The following COL5A1 variants were observed in gnomAD, a reference collection of about 807,000 sequenced individuals.
The protein encoded by COL5A1 is collagen type V alpha 1 chain.
In COL5A1, 16 loss-of-function variants were observed where a neutral mutation model predicts 263.7. That is an observed-to-expected ratio of 0.06 (90% CI 0.04 to 0.09). The LOEUF is 0.09. COL5A1 is among the 10% of genes least tolerant of loss of function. The pLI is 1.00. For synonymous variants in COL5A1, 1,012 were observed against 1,004.5 expected (o/e 1.01, Z -0.14); for missense variants, 2,036 against 2,540.5 (o/e 0.80, Z 4.27).
rs965951240 is a variant in COL5A1, at chr9:134,678,968, T to G, written c.110-11944T>G. 6.6e-6 allele frequency among the ~76,000 whole-genome samples: 1 copy of G among 152,228 alleles called. No individual in the cohort carries two copies. The highest frequency in any genetic ancestry group is 1.5e-5 in the Non-Finnish European group (1 of 68,036). On this transcript the variant is annotated intron_variant, in intron 1 of 65. Coordinates refer to ENST00000371817, the MANE Select transcript of COL5A1 (RefSeq NM_000093.5). The surrounding 1 kb of genome is among the most constrained non-coding windows in gnomAD (Gnocchi z 5.5). Reference sequence around the variant, plus strand: ...GGCTTGCTGGGTCAGTCCCATTCAGTGGCTCTGTGTTGGGGTCACGTGGTA... The same window carrying G: ...GGCTTGCTGGGTCAGTCCCATTCAGGGGCTCTGTGTTGGGGTCACGTGGTA...
In COL5A1 at chr9:134,731,538, G is replaced by A; in HGVS notation, c.1207G>A (p.Glu403Lys). 1 of 1,614,240 alleles carries A rather than the reference G, an allele frequency of 6.2e-7. No homozygotes were observed. Among genetic ancestry groups the A allele is most frequent in the Non-Finnish European group, 8.5e-7 (1 of 1,180,028 alleles). ...PGEGADDLEG[E>K]FTEETIRNLD... ...GGAAGGTGCGGATGACTTGGAGGGG[G>A]AGTTCACTGAGGAAACGATCCGGAA... Residue 403 changes from glutamate to lysine, a missense_variant, in exon 8 of 66, where the codon GAG (glutamate) becomes AAG (lysine). This residue lies in a region of COL5A1 where 600 missense variants were observed against 634.5 expected (regional missense o/e 0.95). Transcript: ENST00000371817.
In COL5A1 at chr9:134,825,805, C is replaced by G. The variant is rs201871481; in HGVS notation, c.4968C>G (p.Val1656=). ...TCTGAAATCCAGGTGAATACTGGGTCGATCCTAACCAAGGATGCTCCAGGG... is the reference window on the plus strand; with the variant it reads ...TCTGAAATCCAGGTGAATACTGGGTGGATCCTAACCAAGGATGCTCCAGGG... The part of the protein sequence containing the change: ...HPDFPDGEYW[V]DPNQGCSRDS... Residue 1656 remains valine (V), a synonymous_variant, in exon 63 of 66, where the codon GTC becomes GTG. Coordinates refer to ENST00000371817, the MANE Select transcript of COL5A1 (RefSeq NM_000093.5). 1 of 1,611,490 alleles carries G rather than the reference C, an allele frequency of 6.2e-7. No homozygotes were observed. Among genetic ancestry groups the G allele is most frequent in the South Asian group, 1.1e-5 (1 of 90,908 alleles).
intron 58 of COL5A1, among the ~76,000 whole-genome samples, chr9:134,820,568 G>T (rs1236049657): frequency 2.6e-5 from 4 of 152,234 alleles, no homozygotes; most frequent in African/African-American, 9.6e-5. Context: ...TGCCCAGGAG[G>T]TCACTGGTGA....
chr9:134,701,750 C>T (rs1356700767), intron 4 of COL5A1, among the ~76,000 whole-genome samples: 4 of 152,218 alleles, frequency 2.6e-5, no homozygotes, highest in Non-Finnish European at 5.9e-5. Flanking sequence ...GCTGGGCCAC[C>T]GTGTGGACGC....
rs1588397153 is a variant in COL5A1 at position 134,647,448 on chromosome 9, C to T, written c.109+5152C>T. ...TGTATATCTCCCCGCGATCTGCCTG[C>T]ACACATGTGTTTGTGGGTATACATG... On this transcript the variant is annotated intron_variant, in intron 1 of 65. Transcript: ENST00000371817. The surrounding 1 kb of genome is among the most constrained non-coding windows in gnomAD (Gnocchi z 5.0). Among the ~76,000 whole-genome samples the T allele has an allele frequency of 6.6e-6, 1 of 152,308 alleles. No homozygotes were observed.
chr9:134,744,097 G>A (rs1037510582), intron 11 of COL5A1, among the ~76,000 whole-genome samples: 6 of 152,198 alleles, frequency 3.9e-5, no homozygotes, highest in Non-Finnish European at 7.3e-5. Context: ...GTCTGACTCC[G>A]AAGGAGTTAG....
In COL5A1 at chr9:134,769,524, A is replaced by G. The variant is rs147891551; in HGVS notation, c.2286+1061A>G. Among the ~76,000 whole-genome samples, 737 of 152,380 alleles carry G rather than the reference A, an allele frequency of 4.8e-3. 5 individuals carry two copies. Among genetic ancestry groups the G allele is most frequent in the African/African-American group, 0.017 (705 of 41,590 alleles). ...AAATTAGGAAAATAAATAAAATTAC[A>G]GTAAAATTATAGCCACCTTTGATCT... On this transcript the variant is annotated intron_variant, in intron 25 of 65. Transcript: ENST00000371817.
intron 52 of COL5A1, among the ~76,000 whole-genome samples, chr9:134,816,355 C>T (rs1838744791): frequency 6.6e-6 from 1 of 152,226 alleles, no homozygotes. Flanking sequence ...CTTACCTTGA[C>T]CGAGATCACA....
At chr9:134,657,932 G>C (rs1832073801) in intron 1 of COL5A1, among the ~76,000 whole-genome samples, 4 of 151,900 alleles carry the variant, frequency 2.6e-5, no homozygotes. Context: ...GGTGAGGAGT[G>C]GGGAGACCAG....
At chr9:134,702,778 G>A (rs1441441065) in intron 4 of COL5A1, among the ~76,000 whole-genome samples, 1 of 152,188 alleles carries the variant, frequency 6.6e-6, no homozygotes, top group Non-Finnish European at 1.5e-5. Flanking sequence ...GGGCTCTGTC[G>A]ATTGTTGGAT....
intron 27 of COL5A1, among the ~76,000 whole-genome samples, chr9:134,779,089 G>A (rs923091622): frequency 2.6e-5 from 4 of 152,252 alleles, no homozygotes; most frequent in African/African-American, 9.6e-5. Flanking sequence ...CAGCCGGCAG[G>A]CCCTGCGTCC....
chr9:134,744,521 C>CCATACATGCACACTCACACCCA (rs1835411688), intron 11 of COL5A1, among the ~76,000 whole-genome samples: 1 of 145,446 alleles, frequency 6.9e-6, no homozygotes, highest in Non-Finnish European at 1.5e-5. Context: ...ATGCACACCC[C>CCATACATGCACACTCACACCCA]CATACATGCA....
intron 42 of COL5A1, among the ~76,000 whole-genome samples, chr9:134,807,444 C>A (rs1038436028): frequency 1.3e-5 from 2 of 152,230 alleles, no homozygotes; most frequent in South Asian, 4.1e-4. Context: ...CAGATGTGTG[C>A]TACCACACCC....
intron 4 of COL5A1, among the ~76,000 whole-genome samples, chr9:134,713,671 G>A (rs2132603768): frequency 6.6e-6 from 1 of 152,318 alleles, no homozygotes; most frequent in East Asian, 1.9e-4. Flanking sequence ...AAAACTTAGG[G>A]GTTTGTGGGT....
intron 6 of COL5A1, among the ~76,000 whole-genome samples, chr9:134,729,550 G>T: frequency 7.0e-6 from 1 of 143,172 alleles, no homozygotes; most frequent in Admixed American, 6.9e-5. Flanking sequence ...GGGCACGGGT[G>T]TGCATGAGCC....
intron 1 of COL5A1, among the ~76,000 whole-genome samples, chr9:134,690,393 G>A (rs569042741): frequency 6.6e-6 from 1 of 152,310 alleles, no homozygotes; most frequent in South Asian, 2.1e-4. Context: ...GGGCTGCAGG[G>A]CAGATGTTGT....
chr9:134,834,056 C>A (rs112879535), intron 64 of COL5A1, among the ~76,000 whole-genome samples: 1 of 152,102 alleles, frequency 6.6e-6, no homozygotes, highest in Non-Finnish European at 1.5e-5. Context: ...AGGGAGGAGC[C>A]GTGCAGTGGC....
chr9:134,749,954 G>A (rs1240322353), intron 11 of COL5A1, among the ~76,000 whole-genome samples: 3 of 152,242 alleles, frequency 2.0e-5, no homozygotes, highest in Non-Finnish European at 4.4e-5. Flanking sequence ...GGCGTGAGGA[G>A]GGCACTGTGT....
At chr9:134,712,875 C>T (rs1834115847) in intron 4 of COL5A1, among the ~76,000 whole-genome samples, 1 of 152,060 alleles carries the variant, frequency 6.6e-6, no homozygotes, top group Non-Finnish European at 1.5e-5. Flanking sequence ...CGCCTTTTTC[C>T]AGGTGCCCCC....
Sources: allele counts gnomAD v4.1 joint callset (sites outside exome capture counted in the v4.1 genomes callset), GRCh38; gene constraint gnomAD v4.1.1; regional missense constraint gnomAD v4.1.1; non-coding constraint Gnocchi (gnomAD v3.1); transcripts MANE v1.5; gene names NCBI Gene and HGNC (gene_info 2026-07-23, HGNC 2026-07-21).